Variants in ABHD4 observed in about 807,000 individuals in gnomAD.
ABHD4 encodes the protein (Lyso)-N-acylphosphatidylethanolamine lipase.
In ABHD4, 35 loss-of-function variants were observed where a neutral mutation model predicts 42.3. The observed-to-expected ratio is 0.83, with a 90% CI of 0.63 to 1.10. The LOEUF is 1.10. ABHD4 is among the 50% of genes least tolerant of loss of function. ABHD4 has a pLI of 0.00. For missense variants in ABHD4, 389 were observed against 454.8 expected (o/e 0.86, Z 1.32); for synonymous variants, 169 against 170.6 (o/e 0.99, Z 0.07).
chr14:22,605,429 G>A (rs1442712741), intron 4 of ABHD4, among the ~76,000 whole-genome samples: 1 of 152,154 alleles, frequency 6.6e-6, no homozygotes, highest in East Asian at 1.9e-4. Flanking sequence ...AAGAAAAACA[G>A]AATGATTCCA....
Position 22,609,763 on chromosome 14 carries a change from C to G in ABHD4, c.792C>G (p.Gly264=). ...TCAAAGCCATGATGGAGTCCTTTGGCTGGGCCCGGCGCCCTATGCTGGAGC... is the reference window on the plus strand; with the variant it reads ...TCAAAGCCATGATGGAGTCCTTTGGGTGGGCCCGGCGCCCTATGCTGGAGC... ...TAFKAMMESF[G]WARRPMLERI... Residue 264 remains glycine, a synonymous_variant, in exon 6 of 7, where the codon GGC becomes GGG. Coordinates refer to ENST00000428304, the MANE Select transcript of ABHD4 (RefSeq NM_022060.3). 1 of 1,614,084 alleles carries G rather than the reference C, an allele frequency of 6.2e-7. No individual in the cohort carries two copies. Among genetic ancestry groups the G allele is most frequent in the Non-Finnish European group, 8.5e-7 (1 of 1,179,998 alleles).
chr14:22,603,706 G>A lies in ABHD4; in HGVS notation c.429G>A (p.Leu143=). 2 of 1,607,234 alleles carry A rather than the reference G, an allele frequency of 1.2e-6. No individual in the cohort carries two copies. Among genetic ancestry groups the A allele is most frequent in the Non-Finnish European group, 1.7e-6 (2 of 1,175,960 alleles). Residue 143 remains leucine, a synonymous_variant, in exon 3 of 7, where the codon CTG becomes CTA. Coordinates refer to ENST00000428304, the MANE Select transcript of ABHD4 (RefSeq NM_022060.3). ...TGGGGATCCCCAGCATGATCCTCCT[G>A]GGGCACAGTTTGGGAGGATTCCTGG... ...ETMGIPSMIL[L]GHSLGGFLAT...
intron 1 of ABHD4, 187 bp downstream of exon 1, chr14:22,598,516 C>G (rs1020831188): frequency 6.6e-7 from 1 of 1,515,902 alleles, no homozygotes; most frequent in Admixed American, 2.0e-5. Context: ...AGCGGCTGAG[C>G]CTGGGGAGCC....
At chr14:22,603,290 G>T in intron 2 of ABHD4, 100 bp from the exon 3 acceptor site, 1 of 1,478,286 alleles carries the variant, frequency 6.8e-7, no homozygotes. Context: ...GTTGGGGAGG[G>T]TTCGGGAATG....
Position 22,608,947 on chromosome 14 carries a change from G to A in ABHD4, c.753-777G>A, listed in dbSNP as rs1001637172. Among the ~76,000 whole-genome samples the A allele has an allele frequency of 1.5e-4, 23 of 152,044 alleles. No individual in the cohort carries two copies. In the South Asian group the frequency reaches 1.9e-3, roughly 12 times the overall value. On this transcript the variant is annotated intron_variant, in intron 5 of 6. Transcript: ENST00000428304. ...ACTCCCGACCTCAGGTGATCTGCCC[G>A]CATCAGCCTCCCAAAGTGCTGGGAT... is the stretch of plus-strand genomic sequence containing the variant.
Position 22,603,334 on chromosome 14 carries a change from T to A in ABHD4, c.113-56T>A. On this transcript the variant is annotated intron_variant, in intron 2 of 6. Transcript: ENST00000428304. ...GTGAAGAGTGGTAGTCCAGGCAAAA[T>A]GATGATGCCGTCAGGAAACACTTAT... The A allele has an allele frequency of 1.9e-6, 3 of 1,605,444 alleles. No homozygotes were observed. The South Asian group carries it at 3.3e-5, about 18-fold the overall frequency.
In ABHD4 at chr14:22,612,589, G is replaced by A. The variant is rs1303012667; in HGVS notation, c.*1641G>A. 6.6e-6 allele frequency: 1 copy of A among 152,288 alleles called. No individual in the cohort carries two copies. The highest frequency in any genetic ancestry group is 1.5e-5 in the Non-Finnish European group (1 of 68,096). The allele number at this position is 152,288 out of a possible 1,614,324, so 9.4% of individuals were successfully genotyped here. ...AGGAGTCGAGATCCACAGTGTGGAT[G>A]GGGCAAGCCCCAGTTCACAGTAGAG... On this transcript the variant is annotated 3_prime_UTR_variant, in exon 7 of 7. Transcript: ENST00000428304.
intron 1 of ABHD4, 128 bp from the exon 2 acceptor site, chr14:22,601,539 G>A: frequency 1.3e-6 from 1 of 776,050 alleles, no homozygotes; most frequent in Non-Finnish European, 2.2e-6. Context: ...CCTGCCATGG[G>A]GGGCAGGTCT....
chr14:22,598,378 A>G (rs969617602), intron 1 of ABHD4, 49 bp downstream of exon 1: 1 of 1,551,266 alleles, frequency 6.4e-7, no homozygotes, highest in Non-Finnish European at 8.7e-7. Flanking sequence ...TCTCTGGGCC[A>G]TGATCCTGGG....
intron 1 of ABHD4, chr14:22,598,552 C>T (rs976853073): frequency 3.1e-5 from 41 of 1,341,788 alleles, no homozygotes; most frequent in Admixed American, 4.0e-5. Flanking sequence ...GCCCGCAGCC[C>T]GGGGATCCTG....
At chr14:22,607,169 A>G (rs1339829134) in intron 5 of ABHD4, among the ~76,000 whole-genome samples, 2 of 152,084 alleles carry the variant, frequency 1.3e-5, no homozygotes, top group African/African-American at 4.8e-5. Context: ...ATTTTTTTGC[A>G]TCTTTGGGAG....
rs1162258847 is a variant in ABHD4 at position 22,603,636 on chromosome 14, C to T, written c.359C>T (p.Ala120Val). 6.2e-7 allele frequency: 1 copy of T among 1,614,108 alleles called. No homozygotes were observed. The highest frequency in any genetic ancestry group is 8.5e-7 in the Non-Finnish European group (1 of 1,180,014). Reference sequence around the variant, plus strand: ...GCATTCCCAAGGGACCCGGAGGGGGCTGAGGATGAGTTTGTGACATCGATA... The same window carrying T: ...GCATTCCCAAGGGACCCGGAGGGGGTTGAGGATGAGTTTGTGACATCGATA... ...RPAFPRDPEG[A>V]EDEFVTSIET... Residue 120 changes from alanine (A) to valine (V), a missense_variant, in exon 3 of 7, where the codon GCT (alanine) becomes GTT (valine). Transcript: ENST00000428304.
intron 5 of ABHD4, among the ~76,000 whole-genome samples, chr14:22,609,434 A>G (rs34819345): frequency 0.12 from 17,864 of 152,234 alleles, 1,114 homozygotes; most frequent in Non-Finnish European, 0.13. Flanking sequence ...CCCCTTTCCC[A>G]GTCCAGGGCA....
chr14:22,599,759 AAATTTG>A (rs1370991501), intron 1 of ABHD4, among the ~76,000 whole-genome samples: 1 of 152,202 alleles, frequency 6.6e-6, no homozygotes, highest in African/African-American at 2.4e-5. Context: ...TTTAGAGAGA[AAATTTG>A]TCTCTTAAGG....
rs777270925 is a variant in ABHD4 at position 22,598,537 on chromosome 14, C to T, written c.23+208C>T. 28 of 1,432,434 alleles carry T rather than the reference C, an allele frequency of 2.0e-5. No individual in the cohort carries two copies. The South Asian group carries it at 3.1e-4, about 16-fold the overall frequency. 88.7% of individuals were successfully genotyped at this position (1,432,434 alleles called of 1,614,324 possible). ...TGAGCCTGGGGAGCCATGGGAGACG[C>T]GCTCGCCCGCAGCCCGGGGATCCTG... On this transcript the variant is annotated intron_variant, in intron 1 of 6. Transcript: ENST00000428304.
At chr14:22,598,693 C>G (rs1037847487) in intron 1 of ABHD4, 3 of 408,578 alleles carry the variant, frequency 7.3e-6, no homozygotes, top group Non-Finnish European at 1.4e-5. Flanking sequence ...CAGGCGTGCT[C>G]GTCTCGACTT....
chr14:22,610,828 C>T, intron 6 of ABHD4, 31 bp from the exon 7 acceptor site: 2 of 1,583,990 alleles, frequency 1.3e-6, no homozygotes, highest in Non-Finnish European at 1.7e-6. Flanking sequence ...AATAAAAGGC[C>T]ATCCCACCCC....
At chr14:22,609,946 T>G in intron 6 of ABHD4, 36 bp downstream of exon 6, 1 of 1,601,204 alleles carries the variant, frequency 6.2e-7, no homozygotes, top group Non-Finnish European at 8.5e-7. Context: ...AAATGATGAC[T>G]GAGAGTCAAT....
chr14:22,599,600 G>C (rs1213034334), intron 1 of ABHD4, among the ~76,000 whole-genome samples: 2 of 152,224 alleles, frequency 1.3e-5, no homozygotes, highest in African/African-American at 4.8e-5. Context: ...GGTGAAGAAG[G>C]AAAGCAAAGT....
Sources: allele counts gnomAD v4.1 joint callset (sites outside exome capture counted in the v4.1 genomes callset), GRCh38; gene constraint gnomAD v4.1.1; transcripts MANE v1.5; gene names NCBI Gene and HGNC (gene_info 2026-07-23, HGNC 2026-07-21).